Variants in THSD7A observed in about 807,000 individuals in gnomAD.
THSD7A encodes the protein thrombospondin type 1 domain containing 7A.
In THSD7A, 96 loss-of-function variants were observed where a neutral mutation model predicts 231.3. The observed-to-expected ratio is 0.41, with a 90% CI of 0.35 to 0.49. The LOEUF (loss-of-function observed/expected upper bound fraction) is 0.49. THSD7A is among the 20% of genes least tolerant of loss of function. The pLI is 0.05. For missense variants in THSD7A, 2,290 were observed against 2,070.2 expected (o/e 1.11, Z -2.06); for synonymous variants, 940 against 743.3 (o/e 1.26, Z -4.30).
intron 1 of THSD7A, among the ~76,000 whole-genome samples, chr7:11,817,882 TAC>T (rs71669301): frequency 2.6e-5 from 4 of 151,464 alleles, no homozygotes; most frequent in South Asian, 4.2e-4. Flanking sequence ...TTTTACTGAC[TAC>T]ACACACACAC....
rs563958559 is a variant in THSD7A at position 11,455,512 on chromosome 7, T to A, written c.2605+5150A>T. Among the ~76,000 whole-genome samples the A allele has an allele frequency of 2.6e-5, 4 of 152,174 alleles. No homozygotes were observed. In the South Asian group the frequency reaches 8.3e-4, roughly 32 times the overall value. On this transcript the variant is annotated intron_variant, in intron 11 of 27. Coordinates refer to ENST00000423059, the MANE Select transcript of THSD7A (RefSeq NM_015204.3). ...TTGATATAAAATTCTGCTTCAGCATTATGCCACTTTTCCTTTTAAATGTAA... is the reference window on the plus strand; with the variant it reads ...TTGATATAAAATTCTGCTTCAGCATAATGCCACTTTTCCTTTTAAATGTAA...
intron 1 of THSD7A, among the ~76,000 whole-genome samples, chr7:11,643,911 C>A (rs1782185078): frequency 6.6e-6 from 1 of 151,898 alleles, no homozygotes; most frequent in African/African-American, 2.4e-5. Flanking sequence ...CAAAATGTAC[C>A]AGTTTGGCCT....
At chr7:11,410,947 A>G (rs1318877031) in intron 19 of THSD7A, among the ~76,000 whole-genome samples, 1 of 151,980 alleles carries the variant, frequency 6.6e-6, no homozygotes, top group African/African-American at 2.4e-5. Context: ...CACCTTACGT[A>G]TTGTTCCCCA....
In THSD7A at chr7:11,732,511, T is replaced by G. The variant is rs554123174; in HGVS notation, c.191-95550A>C. Among the ~76,000 whole-genome samples the G allele has an allele frequency of 2.6e-5, 4 of 152,006 alleles. No homozygotes were observed. The South Asian group carries it at 8.3e-4, about 31-fold the overall frequency. ...TCAGTGTCCTTTTACTTTCAAAATA[T>G]TCCAGCACGTTTTAGAATGAATTGT... On this transcript the variant is annotated intron_variant, in intron 1 of 27. Transcript: ENST00000423059.
Position 11,375,771 on chromosome 7 carries a change from T to C in THSD7A, c.*23A>G, listed in dbSNP as rs1782244383. 1.9e-5 allele frequency: 30 copies of C among 1,606,966 alleles called. No homozygotes were observed. Among genetic ancestry groups the C allele is most frequent in the Non-Finnish European group, 2.6e-5 (30 of 1,174,850 alleles). The stretch of plus-strand genomic sequence containing the variant: ...TATGAAGTCAGAAAGCCGAAACTGG[T>C]TGTTGCCAGGAAAAGTTATATGTTA... On this transcript the variant is annotated 3_prime_UTR_variant, in exon 28 of 28. Coordinates refer to ENST00000423059, the MANE Select transcript of THSD7A (RefSeq NM_015204.3).
chr7:11,583,472 C>T (rs1005924262), intron 4 of THSD7A, among the ~76,000 whole-genome samples: 8 of 151,986 alleles, frequency 5.3e-5, no homozygotes, highest in Admixed American at 2.6e-4. Context: ...GAGACAGTTT[C>T]ACCATGTTGC....
At position 11,430,360 on chromosome 7, in the gene THSD7A, T is replaced by C. The variant is rs189701039; in HGVS notation, c.3065-1235A>G. ...ATGGTTACTGGCAGCCACTTCCTAC[T>C]TTCCCCTTCCTCATCCCCTGACAAC... On this transcript the variant is annotated intron_variant, in intron 13 of 27. Coordinates refer to ENST00000423059, the MANE Select transcript of THSD7A (RefSeq NM_015204.3). 5.5e-4 allele frequency among the ~76,000 whole-genome samples: 84 copies of C among 152,298 alleles called. 2 individuals are homozygous for C. Among genetic ancestry groups the C allele is most frequent in the Non-Finnish European group, 4.7e-4 (32 of 68,020 alleles).
chr7:11,430,010 A>G (rs1163252802), intron 13 of THSD7A, among the ~76,000 whole-genome samples: 1 of 152,228 alleles, frequency 6.6e-6, no homozygotes, highest in Non-Finnish European at 1.5e-5. Context: ...CAAACATGTG[A>G]AAACAGCAAA....
At chr7:11,564,309 T>C (rs1247311353) in intron 4 of THSD7A, among the ~76,000 whole-genome samples, 1 of 152,198 alleles carries the variant, frequency 6.6e-6, no homozygotes, top group Non-Finnish European at 1.5e-5. Flanking sequence ...ACTAACAGTG[T>C]TGTAACAGAT....
At chr7:11,596,081 C>T (rs1386581252) in intron 2 of THSD7A, among the ~76,000 whole-genome samples, 3 of 152,206 alleles carry the variant, frequency 2.0e-5, no homozygotes, top group Admixed American at 6.5e-5. Context: ...CAATCAATTT[C>T]CAGGCTTGAG....
intron 1 of THSD7A, among the ~76,000 whole-genome samples, chr7:11,797,701 G>T (rs907841950): frequency 6.6e-6 from 1 of 151,986 alleles, no homozygotes; most frequent in South Asian, 2.1e-4. Context: ...TTACAGGCTT[G>T]TGCCACTGTG....
chr7:11,669,140 G>T (rs978864834), intron 1 of THSD7A, among the ~76,000 whole-genome samples: 32 of 152,018 alleles, frequency 2.1e-4, no homozygotes, highest in Non-Finnish European at 3.8e-4. Context: ...GAATGTGAAA[G>T]AGCAGAATAA....
chr7:11,471,875 T>C (rs1038050522), intron 8 of THSD7A, among the ~76,000 whole-genome samples: 1 of 152,156 alleles, frequency 6.6e-6, no homozygotes, highest in Non-Finnish European at 1.5e-5. Context: ...TCAGTAATTA[T>C]TATTGTCAGC....
intron 9 of THSD7A, among the ~76,000 whole-genome samples, chr7:11,466,463 C>G (rs1785708868): frequency 6.6e-6 from 1 of 152,154 alleles, no homozygotes; most frequent in East Asian, 1.9e-4. Flanking sequence ...AGTCTACAGG[C>G]AAAACAGAAA....
chr7:11,606,906 G>C (rs1396002046), intron 2 of THSD7A, among the ~76,000 whole-genome samples: 1 of 151,970 alleles, frequency 6.6e-6, no homozygotes, highest in African/African-American at 2.4e-5. Context: ...AAATATAAGA[G>C]TAATGGGACT....
At chr7:11,748,176 C>T (rs1439514879) in intron 1 of THSD7A, among the ~76,000 whole-genome samples, 1 of 151,872 alleles carries the variant, frequency 6.6e-6, no homozygotes, top group East Asian at 1.9e-4. Context: ...CTGAGTATCA[C>T]AACAGGAATG....
intron 23 of THSD7A, among the ~76,000 whole-genome samples, chr7:11,389,540 ACACAGCACACTGAT>A (rs1782900972): frequency 6.8e-6 from 1 of 147,996 alleles, no homozygotes; most frequent in East Asian, 2.0e-4. Context: ...GGTCTCCTGA[ACACAGCACACTGAT>A]AGGTCTTGAC....
intron 2 of THSD7A, among the ~76,000 whole-genome samples, chr7:11,597,944 A>G (rs1389184687): frequency 6.6e-6 from 1 of 152,104 alleles, no homozygotes; most frequent in East Asian, 1.9e-4. Flanking sequence ...GGAGTTCCCT[A>G]TGATCAGTTG....
At chr7:11,761,404 T>C (rs1442431920) in intron 1 of THSD7A, among the ~76,000 whole-genome samples, 1 of 152,112 alleles carries the variant, frequency 6.6e-6, no homozygotes, top group Non-Finnish European at 1.5e-5. Context: ...AGTAACATAC[T>C]TTCTTAGAGC....
Sources: allele counts gnomAD v4.1 joint callset (sites outside exome capture counted in the v4.1 genomes callset), GRCh38; gene constraint gnomAD v4.1.1; transcripts MANE v1.5; gene names NCBI Gene and HGNC (gene_info 2026-07-23, HGNC 2026-07-21).